The following FAM168A variants were observed in gnomAD, a reference collection of about 807,000 sequenced individuals.
FAM168A encodes protein FAM168A.
Under a neutral mutation model 28.5 loss-of-function variants are expected in FAM168A, and 3 were observed. That is an observed-to-expected ratio of 0.11 (90% CI 0.05 to 0.27). FAM168A has a LOEUF of 0.27. Ranked by LOEUF, FAM168A falls within the 10% of genes least tolerant of loss-of-function variation. The pLI is 1.00. For synonymous variants in FAM168A, 122 were observed against 124.2 expected, an observed-to-expected ratio of 0.98 and a Z score of 0.12; for missense variants, 222 against 311.5, an observed-to-expected ratio of 0.71 and a Z score of 2.16.
intron 1 of FAM168A, among the ~76,000 whole-genome samples, chr11:73,563,353 C>T (rs1943981477): frequency 6.6e-6 from 1 of 152,188 alleles, no homozygotes; most frequent in East Asian, 1.9e-4. Context: ...TCTAATACTG[C>T]TATTAGCTGA....
chr11:73,558,774 AT>A (rs990894337), intron 1 of FAM168A, among the ~76,000 whole-genome samples: 1 of 152,190 alleles, frequency 6.6e-6, no homozygotes, highest in Non-Finnish European at 1.5e-5. Flanking sequence ...ATAGCTATTT[AT>A]TTTTTAAAAA....
chr11:73,477,625 C>T (rs1478946631), intron 1 of FAM168A, among the ~76,000 whole-genome samples: 1 of 151,950 alleles, frequency 6.6e-6, no homozygotes, highest in African/African-American at 2.4e-5. Flanking sequence ...AAGGGAATAA[C>T]AATAAGATTA....
chr11:73,408,606 C>T (rs1279361017), intron 6 of FAM168A, among the ~76,000 whole-genome samples: 1 of 152,024 alleles, frequency 6.6e-6, no homozygotes, highest in Non-Finnish European at 1.5e-5. Context: ...TGGTGAAACC[C>T]TGCCTCCACA....
At chr11:73,481,401 G>C (rs1162385950) in intron 1 of FAM168A, among the ~76,000 whole-genome samples, 1 of 152,038 alleles carries the variant, frequency 6.6e-6, no homozygotes, top group Non-Finnish European at 1.5e-5. Flanking sequence ...AGAGTACCAG[G>C]GTTTCACAAC....
chr11:73,455,166 T>G (rs1338873797), intron 2 of FAM168A, among the ~76,000 whole-genome samples: 1 of 152,138 alleles, frequency 6.6e-6, no homozygotes, highest in African/African-American at 2.4e-5. Flanking sequence ...CCGCACAGAG[T>G]TCACTGATGC....
chr11:73,428,360 G>A (rs1229332254), intron 3 of FAM168A, among the ~76,000 whole-genome samples: 2 of 152,096 alleles, frequency 1.3e-5, no homozygotes, highest in African/African-American at 4.8e-5. Flanking sequence ...TTCCTTTCCT[G>A]GTAGCTAAGC....
intron 1 of FAM168A, among the ~76,000 whole-genome samples, chr11:73,482,181 C>CTT (rs55882143): frequency 0.1 from 7,819 of 77,390 alleles, 505 homozygotes; most frequent in Admixed American, 0.16. Flanking sequence ...ATCCAACAGC[C>CTT]TTTTTTTTTT....
At chr11:73,450,847 G>C (rs759831003) in intron 2 of FAM168A, among the ~76,000 whole-genome samples, 8 of 152,160 alleles carry the variant, frequency 5.3e-5, no homozygotes, top group Non-Finnish European at 8.8e-5. Context: ...AGAAGTTCCA[G>C]ACAATATACC....
At chr11:73,407,426 C>T in intron 7 of FAM168A, 87 bp downstream of exon 7, 1 of 843,190 alleles carries the variant, frequency 1.2e-6, no homozygotes, top group Non-Finnish European at 1.8e-6. Flanking sequence ...CCCTAGCTGA[C>T]ACCTGTGCTC....
intron 1 of FAM168A, among the ~76,000 whole-genome samples, chr11:73,539,168 T>TGGTA (rs1451782430): frequency 6.6e-6 from 1 of 152,240 alleles, no homozygotes; most frequent in East Asian, 1.9e-4. Context: ...AACAGTTAAA[T>TGGTA]GGTACAACAT....
chr11:73,557,777 C>T (rs899771205), intron 1 of FAM168A, among the ~76,000 whole-genome samples: 1 of 152,138 alleles, frequency 6.6e-6, no homozygotes, highest in African/African-American at 2.4e-5. Context: ...CACTATAAAA[C>T]TATGGTAATC....
At chr11:73,438,006 T>G (rs1439840914) in intron 2 of FAM168A, among the ~76,000 whole-genome samples, 2 of 152,126 alleles carry the variant, frequency 1.3e-5, no homozygotes, top group Non-Finnish European at 2.9e-5. Context: ...CTGCTGATAG[T>G]TTTTCCCCAA....
chr11:73,571,391 G>A (rs575038814), intron 1 of FAM168A, among the ~76,000 whole-genome samples: 7 of 151,978 alleles, frequency 4.6e-5, no homozygotes, highest in South Asian at 2.1e-4. Context: ...GATTGCAGGC[G>A]CGCGCCGCCA....
intron 1 of FAM168A, among the ~76,000 whole-genome samples, chr11:73,541,344 G>A (rs2134677136): frequency 6.6e-6 from 1 of 151,900 alleles, no homozygotes; most frequent in East Asian, 1.9e-4. Flanking sequence ...GATTATGATA[G>A]TGTAACTTTA....
At chr11:73,484,721 T>G (rs1347098915) in intron 1 of FAM168A, among the ~76,000 whole-genome samples, 1 of 141,236 alleles carries the variant, frequency 7.1e-6, no homozygotes, top group Non-Finnish European at 1.5e-5. Context: ...GATATATATA[T>G]AGATATATAT....
intron 1 of FAM168A, among the ~76,000 whole-genome samples, chr11:73,531,803 T>C (rs1034446870): frequency 2.9e-5 from 2 of 69,230 alleles, no homozygotes; most frequent in African/African-American, 1.1e-4. Context: ...CAAGTATCAC[T>C]TTTTTTTTTT....
intron 2 of FAM168A, among the ~76,000 whole-genome samples, chr11:73,466,450 C>T (rs910100173): frequency 2.6e-5 from 4 of 152,080 alleles, no homozygotes; most frequent in African/African-American, 7.2e-5. Flanking sequence ...AATTAAACTA[C>T]CATAGTTTTT....
At chr11:73,492,278 TAAC>T (rs1868139285) in intron 1 of FAM168A, among the ~76,000 whole-genome samples, 1 of 152,130 alleles carries the variant, frequency 6.6e-6, no homozygotes, top group African/African-American at 2.4e-5. Flanking sequence ...ATTAATCACT[TAAC>T]AACATAACCA....
In FAM168A at chr11:73,500,639, G is replaced by A. The variant is rs555385373; in HGVS notation, c.-18-32147C>T. 2.6e-5 allele frequency among the ~76,000 whole-genome samples: 4 copies of A among 152,250 alleles called. No homozygotes were observed. In the South Asian group the frequency reaches 8.3e-4, roughly 32 times the overall value. The stretch of plus-strand genomic sequence containing the variant: ...AATCCTTTCCAGACAAGCAAATGCT[G>A]AGGGATTTCATTACCACCAGGCCTG... On this transcript the variant is annotated intron_variant, in intron 1 of 7. Transcript: ENST00000356467.
Sources: allele counts gnomAD v4.1 joint callset (sites outside exome capture counted in the v4.1 genomes callset), GRCh38; gene constraint gnomAD v4.1.1; transcripts MANE v1.5; gene names NCBI Gene and HGNC (gene_info 2026-07-23, HGNC 2026-07-21).